CSMD1: variants seen among roughly 807,000 people sequenced by gnomAD.
CSMD1 encodes CUB and Sushi multiple domains 1.
CSMD1 carries 213 observed loss-of-function variants against 417.5 expected under a neutral mutation model. The observed-to-expected ratio is 0.51, with a 90% CI of 0.46 to 0.57. The LOEUF (loss-of-function observed/expected upper bound fraction) is 0.57, where lower values mean the gene tolerates loss of function less well. CSMD1 is among the 20% of genes least tolerant of loss of function. The pLI is 0.00. For missense variants in CSMD1, 6,923 were observed against 4,529.7 expected (o/e 1.53, Z -15.17); for synonymous variants, 2,862 against 1,736.8 (o/e 1.65, Z -16.11).
At position 3,837,535 on chromosome 8, in the gene CSMD1, C is replaced by T. The variant is rs59120233; in HGVS notation, c.819-83493G>A. ...GGATGCAGAGACATTTAAAAAACAACACAGCCCCCAAGATAACATTACCAA... is the reference window on the plus strand; with the variant it reads ...GGATGCAGAGACATTTAAAAAACAATACAGCCCCCAAGATAACATTACCAA... On this transcript the variant is annotated intron_variant, in intron 5 of 69. Coordinates refer to ENST00000635120, the MANE Select transcript of CSMD1 (RefSeq NM_033225.6). Among the ~76,000 whole-genome samples, 1,065 of 152,234 alleles carry T rather than the reference C, an allele frequency of 7.0e-3. 15 individuals carry two copies. The highest frequency in any genetic ancestry group is 0.023 in the African/African-American group (957 of 41,540).
intron 1 of CSMD1, among the ~76,000 whole-genome samples, chr8:4,903,596 T>A (rs2117054192): frequency 6.6e-6 from 1 of 152,360 alleles, no homozygotes; most frequent in Middle Eastern, 3.4e-3. Context: ...AAATGTCAAC[T>A]TGTTACATGA....
intron 1 of CSMD1, among the ~76,000 whole-genome samples, chr8:4,874,747 T>C (rs1042615394): frequency 2.0e-5 from 3 of 151,534 alleles, no homozygotes; most frequent in Non-Finnish European, 4.4e-5. Context: ...TTAAGTTATA[T>C]AGATGGATAT....
intron 37 of CSMD1, among the ~76,000 whole-genome samples, chr8:3,179,091 G>T (rs1293446552): frequency 2.3e-4 from 32 of 139,272 alleles, no homozygotes; most frequent in Admixed American, 2.2e-3. Context: ...GGGACTACAG[G>T]CCCGCCACCA....
chr8:4,832,779 G>C (rs1304395763), intron 1 of CSMD1, among the ~76,000 whole-genome samples: 1 of 152,110 alleles, frequency 6.6e-6, no homozygotes, highest in Non-Finnish European at 1.5e-5. Flanking sequence ...CCATTAAAAA[G>C]TGGACCCAGA....
chr8:4,431,423 A>T (rs896121950), intron 2 of CSMD1, among the ~76,000 whole-genome samples: 1 of 152,146 alleles, frequency 6.6e-6, no homozygotes, highest in Non-Finnish European at 1.5e-5. Context: ...AGGAGGAACA[A>T]GGTGAGAGGA....
rs1821467730 is a variant in CSMD1, at chr8:3,182,844, GTGTGTGTGTGTGTGTGTGT to G, written c.5621-1649_5621-1631del. 9.0e-5 allele frequency: 6 copies of G among 66,430 alleles called. 1 individual carries two copies. The highest frequency in any genetic ancestry group is 1.5e-4 in the Non-Finnish European group (5 of 33,294). The allele number at this position is 66,430 out of a possible 1,614,324, so 4.1% of individuals were successfully genotyped here. ...TCTGGCTGTCTCTTTATAAGAAGGT[GTGTGTGTGTGTGTGTGTGT>G]GTGTGTGTGTGTGTGTGTGTGTGTG... On this transcript the variant is annotated intron_variant, in intron 36 of 69. Transcript: ENST00000635120.
chr8:4,715,298 G>C (rs1808583304), intron 1 of CSMD1, among the ~76,000 whole-genome samples: 3 of 152,168 alleles, frequency 2.0e-5, no homozygotes. Context: ...AAGCTAATTT[G>C]ACATGATTTC....
rs571089300 is a variant in CSMD1 at position 4,940,303 on chromosome 8, G to A, written c.85+54029C>T. Among the ~76,000 whole-genome samples the A allele has an allele frequency of 2.6e-5, 4 of 152,236 alleles. No homozygotes were observed. The East Asian group carries it at 5.8e-4, about 22-fold the overall frequency. On this transcript the variant is annotated intron_variant, in intron 1 of 69. Coordinates refer to ENST00000635120, the MANE Select transcript of CSMD1 (RefSeq NM_033225.6). ...GGAAAATGCAGAGTAAAATGATATG[G>A]CTTCAATCTGAATTATTTTCTGACG... is the stretch of plus-strand genomic sequence containing the variant.
At chr8:3,660,139 A>G (rs1291457156) in intron 7 of CSMD1, among the ~76,000 whole-genome samples, 3 of 152,196 alleles carry the variant, frequency 2.0e-5, no homozygotes, top group African/African-American at 4.8e-5. Context: ...ACTTTCAACT[A>G]CATTATTTCA....
intron 3 of CSMD1, among the ~76,000 whole-genome samples, chr8:4,150,984 A>G (rs1796544525): frequency 6.6e-6 from 1 of 152,180 alleles, no homozygotes; most frequent in South Asian, 2.1e-4. Context: ...ACAGGACTAG[A>G]CATTATTTTG....
At chr8:3,671,548 CATATATATGATCATATATATATATATAT>C (rs1799056230) in intron 7 of CSMD1, among the ~76,000 whole-genome samples, 7 of 2,898 alleles carry the variant, frequency 2.4e-3, no homozygotes, top group South Asian at 8.9e-3. Context: ...TATATATGAT[CATATATATGATCATATATATATATATAT>C]ATATATATAT....
chr8:4,682,650 T>C (rs1161112712), intron 1 of CSMD1, among the ~76,000 whole-genome samples: 1 of 151,986 alleles, frequency 6.6e-6, no homozygotes, highest in Non-Finnish European at 1.5e-5. Context: ...ATTTTGGATT[T>C]TAGGATATTA....
rs368823422 is a variant in CSMD1 at position 4,718,304 on chromosome 8, C to T, written c.86-80746G>A. 1.8e-3 allele frequency among the ~76,000 whole-genome samples: 272 copies of T among 152,258 alleles called. 9 individuals carry two copies. In the South Asian group the frequency reaches 0.048, roughly 27 times the overall value. ...ACAAATCTATCAAAATTTTAAAAAA[C>T]ATATATAACGATTTCTTATATTAAC... On this transcript the variant is annotated intron_variant, in intron 1 of 69. Transcript: ENST00000635120.
intron 5 of CSMD1, among the ~76,000 whole-genome samples, chr8:3,981,333 G>T (rs1813845300): frequency 6.6e-6 from 1 of 151,874 alleles, no homozygotes; most frequent in Non-Finnish European, 1.5e-5. Flanking sequence ...GCGGATTTTG[G>T]GGACTTCAGG....
At chr8:3,285,969 G>T (rs1161585286) in intron 25 of CSMD1, among the ~76,000 whole-genome samples, 1 of 152,020 alleles carries the variant, frequency 6.6e-6, no homozygotes, top group East Asian at 1.9e-4. Context: ...ATTTCCTAAT[G>T]CTATCCCTCC....
chr8:3,301,435 G>C (rs1343749288), intron 25 of CSMD1, among the ~76,000 whole-genome samples: 1 of 152,160 alleles, frequency 6.6e-6, no homozygotes, highest in African/African-American at 2.4e-5. Flanking sequence ...TATTAACAGA[G>C]ATTATTAGTA....
At chr8:3,919,911 G>C (rs763141389) in intron 5 of CSMD1, among the ~76,000 whole-genome samples, 1 of 151,714 alleles carries the variant, frequency 6.6e-6, no homozygotes, top group Admixed American at 6.6e-5. Flanking sequence ...AGATTTTTTT[G>C]GGAATTTCTT....
intron 3 of CSMD1, among the ~76,000 whole-genome samples, chr8:4,250,023 C>T (rs1585096464): frequency 6.6e-6 from 1 of 152,080 alleles, no homozygotes; most frequent in African/African-American, 2.4e-5. Context: ...GGGCTCTGTA[C>T]CCATGAATAA....
chr8:3,997,819 G>T, intron 5 of CSMD1, 84 bp downstream of exon 5: 6 of 1,269,756 alleles, frequency 4.7e-6, no homozygotes, highest in Admixed American at 2.1e-5. Flanking sequence ...AACGTCCAGA[G>T]ACAAGCAATT....
Sources: allele counts gnomAD v4.1 joint callset (sites outside exome capture counted in the v4.1 genomes callset), GRCh38; gene constraint gnomAD v4.1.1; transcripts MANE v1.5; gene names NCBI Gene and HGNC (gene_info 2026-07-23, HGNC 2026-07-21).